Variants in SH3KBP1 observed in about 807,000 individuals in gnomAD.
SH3KBP1 encodes the protein SH3 domain containing kinase binding protein 1, also known as SH3 domain-containing kinase-binding protein 1.
A neutral mutation model predicts 50.1 loss-of-function variants in SH3KBP1; 8 were observed. The ratio of observed to expected loss-of-function variants is 0.16; its 90% CI spans 0.09 to 0.29. SH3KBP1 has a LOEUF of 0.29. Among genes scored for constraint, SH3KBP1 ranks in the 10% least tolerant of loss-of-function variants. The probability of loss-of-function intolerance (pLI) is 1.00; values close to 1 mark genes in which losing one functional copy is unlikely to be tolerated. For missense variants in SH3KBP1, 377 were observed against 535.2 expected (o/e 0.70, Z 2.92); for synonymous variants, 227 against 218.6 (o/e 1.04, Z -0.34).
chrX:19,544,254 A>C (rs1192250389), intron 15 of SH3KBP1, among the ~76,000 whole-genome samples: 2 of 111,211 alleles, frequency 1.8e-5, no homozygotes, highest in African/African-American at 6.5e-5. Context: ...GTGCTTTATC[A>C]TTAGTAGGAG....
chrX:19,833,012 T>G (rs1357126946), intron 2 of SH3KBP1, among the ~76,000 whole-genome samples: 2 of 112,212 alleles, frequency 1.8e-5, no homozygotes, highest in Admixed American at 9.4e-5. Flanking sequence ...ATCTGTAGAT[T>G]TGTGGTTTAA....
At chrX:19,778,561 C>G (rs992824956) in intron 2 of SH3KBP1, among the ~76,000 whole-genome samples, 4 of 111,066 alleles carry the variant, frequency 3.6e-5, no homozygotes, top group Non-Finnish European at 5.7e-5. Flanking sequence ...ACACAAGTCC[C>G]GACCTCTTCA....
intron 2 of SH3KBP1, among the ~76,000 whole-genome samples, chrX:19,766,234 G>C (rs1312239536): frequency 9.1e-6 from 1 of 110,144 alleles, no homozygotes; most frequent in African/African-American, 3.3e-5. Flanking sequence ...ATCTCACTGT[G>C]ATTTTGATTT....
At chrX:19,838,912 A>T (rs2147443517) in intron 1 of SH3KBP1, among the ~76,000 whole-genome samples, 1 of 109,233 alleles carries the variant, frequency 9.2e-6, no homozygotes, top group East Asian at 2.8e-4. Context: ...AAAAAGAAAA[A>T]AAGAAAAGGA....
chrX:19,803,402 G>A lies in SH3KBP1; in HGVS notation c.162+32723C>T, dbSNP rs777228014. Among the ~76,000 whole-genome samples the A allele has an allele frequency of 1.5e-3, 165 of 111,417 alleles. 1 individual carries two copies. The highest frequency in any genetic ancestry group is 4.6e-3 in the Middle Eastern group (1 of 216). On this transcript the variant is annotated intron_variant, in intron 2 of 17. Coordinates refer to ENST00000397821, the MANE Select transcript of SH3KBP1 (RefSeq NM_031892.3). ...TTTTTAAATTTAGTGTAGAGACAAG[G>A]TCTCGCTATGTTGGCCAGGTTGGTC... is the stretch of plus-strand genomic sequence containing the variant.
intron 3 of SH3KBP1, among the ~76,000 whole-genome samples, chrX:19,720,231 A>C (rs1010037822): frequency 1.8e-5 from 2 of 110,904 alleles, no homozygotes; most frequent in African/African-American, 6.6e-5. Flanking sequence ...GGCTGGTCCC[A>C]GGCATTGGTT....
intron 6 of SH3KBP1, among the ~76,000 whole-genome samples, chrX:19,671,863 G>A (rs1233525650): frequency 8.9e-6 from 1 of 112,414 alleles, no homozygotes; most frequent in African/African-American, 3.2e-5. Context: ...AAATCAGGAT[G>A]CCAAGTAAAC....
intron 6 of SH3KBP1, among the ~76,000 whole-genome samples, chrX:19,651,098 A>G (rs1279620868): frequency 1.8e-5 from 2 of 111,179 alleles, no homozygotes; most frequent in African/African-American, 6.6e-5. Flanking sequence ...AGATGGCATT[A>G]TGAAAAGTCT....
At chrX:19,569,302 G>A in intron 12 of SH3KBP1, 114 bp from the exon 13 acceptor site, 1 of 665,151 alleles carries the variant, frequency 1.5e-6, no homozygotes. Context: ...GGATGGCACT[G>A]TTGCCTGTGA....
chrX:19,764,014 CAAAAAAAA>C (rs761696272), intron 2 of SH3KBP1, among the ~76,000 whole-genome samples: 6 of 37,523 alleles, frequency 1.6e-4, no homozygotes, highest in Non-Finnish European at 2.5e-4. Flanking sequence ...GACTCTGTCT[CAAAAAAAA>C]AAAAAAAAAA....
chrX:19,808,274 C>T (rs756705274), intron 2 of SH3KBP1, among the ~76,000 whole-genome samples: 2 of 110,756 alleles, frequency 1.8e-5, no homozygotes, highest in South Asian at 7.7e-4. Context: ...CTCCTCCCAC[C>T]CCAAACCCCC....
chrX:19,760,022 TC>T (rs372020922), intron 2 of SH3KBP1, among the ~76,000 whole-genome samples: 1,133 of 83,721 alleles, frequency 0.014, 41 homozygotes, highest in African/African-American at 0.055. Context: ...TCTCTCTCTC[TC>T]CTCTCTCTCT....
intron 2 of SH3KBP1, among the ~76,000 whole-genome samples, chrX:19,806,027 G>GTTT (rs971349039): frequency 9.0e-5 from 10 of 111,290 alleles, no homozygotes; most frequent in African/African-American, 3.0e-4. Flanking sequence ...TTGGGAAGGT[G>GTTT]TTTTTCTTCC....
intron 1 of SH3KBP1, among the ~76,000 whole-genome samples, chrX:19,839,582 C>G (rs1341910165): frequency 1.8e-5 from 2 of 112,346 alleles, no homozygotes; most frequent in East Asian, 5.6e-4. Context: ...CTTGGCCTCC[C>G]AAAGTGCTGG....
intron 1 of SH3KBP1, among the ~76,000 whole-genome samples, chrX:19,841,587 T>C (rs751979458): frequency 5.4e-5 from 6 of 111,961 alleles, no homozygotes; most frequent in Middle Eastern, 4.6e-3. Flanking sequence ...TTCAGTCCTC[T>C]GAAGGGCATA....
chrX:19,601,260 C>T (rs2067082420), intron 9 of SH3KBP1, among the ~76,000 whole-genome samples: 1 of 111,428 alleles, frequency 9.0e-6, no homozygotes, highest in African/African-American at 3.3e-5. Flanking sequence ...TAGATATAAA[C>T]GTTCTGGAAT....
At chrX:19,614,168 C>T (rs928390421) in intron 8 of SH3KBP1, among the ~76,000 whole-genome samples, 1 of 112,661 alleles carries the variant, frequency 8.9e-6, no homozygotes, top group Non-Finnish European at 1.9e-5. Flanking sequence ...GCCAAGGCCC[C>T]GGGGTGTGTC....
chrX:19,716,643 A>G (rs775707968), intron 3 of SH3KBP1, among the ~76,000 whole-genome samples: 2 of 111,782 alleles, frequency 1.8e-5, no homozygotes, highest in African/African-American at 6.5e-5. Context: ...AATCACCTTC[A>G]TCTTGGAAAA....
intron 2 of SH3KBP1, among the ~76,000 whole-genome samples, chrX:19,833,017 G>A (rs1386828413): frequency 8.9e-6 from 1 of 112,192 alleles, no homozygotes; most frequent in East Asian, 2.8e-4. Flanking sequence ...TAGATTTGTG[G>A]TTTAAAATCA....
Sources: gnomAD v4.1 joint callset for allele counts (sites outside exome capture counted in the v4.1 genomes callset) on GRCh38, gnomAD v4.1.1 for gene constraint, MANE v1.5 for transcripts, NCBI Gene and HGNC (gene_info 2026-07-23, HGNC 2026-07-21) for gene names.